CASC3: variants seen among roughly 807,000 people sequenced by gnomAD.
CASC3 encodes CASC3 exon junction complex subunit.
A neutral mutation model predicts 80.5 loss-of-function variants in CASC3; 30 were observed. The ratio of observed to expected loss-of-function variants is 0.37; its 90% CI spans 0.28 to 0.51. The LOEUF (loss-of-function observed/expected upper bound fraction) is 0.51, where lower values mean the gene tolerates loss of function less well. CASC3 is among the 20% of genes least tolerant of loss of function. The pLI, the probability that CASC3 is intolerant of heterozygous loss-of-function variation, is 0.94. For missense variants in CASC3, 824 were observed against 922.2 expected, an observed-to-expected ratio of 0.89 and a Z score of 1.38; for synonymous variants, 312 against 333.6, an observed-to-expected ratio of 0.94 and a Z score of 0.70.
chr17:40,141,107 C>G, intron 1 of CASC3, 100 bp from the exon 2 acceptor site: 1 of 1,127,024 alleles, frequency 8.9e-7, no homozygotes, highest in Admixed American at 1.7e-5. Flanking sequence ...CCTCTCCAAC[C>G]ATTTTGTGCT....
chr17:40,148,729 T>C (rs1274759722), intron 3 of CASC3, among the ~76,000 whole-genome samples: 1 of 152,160 alleles, frequency 6.6e-6, no homozygotes, highest in Non-Finnish European at 1.5e-5. Context: ...TGTTGATTAT[T>C]TCAGTGTTCT....
rs1234220852 is a variant in CASC3 at position 40,170,902 on chromosome 17, C to G, written c.*497C>G. The G allele has an allele frequency of 1.0e-6, 1 of 985,368 alleles. No homozygotes were observed. Among genetic ancestry groups the G allele is most frequent in the African/African-American group, 1.7e-5 (1 of 57,204 alleles). 61.0% of individuals were successfully genotyped at this position (985,368 alleles called of 1,614,324 possible). The stretch of plus-strand genomic sequence containing the variant: ...CTTTAAATGAAACAAGTCTAGTCTT[C>G]TGGTTTTCTAGCCCCTCTGGATTCC... On this transcript the variant is annotated 3_prime_UTR_variant, in exon 14 of 14. Coordinates refer to ENST00000264645, the MANE Select transcript of CASC3 (RefSeq NM_007359.5).
intron 6 of CASC3, 72 bp from the exon 7 acceptor site, chr17:40,163,409 A>G: frequency 1.5e-6 from 2 of 1,308,602 alleles, no homozygotes; most frequent in Non-Finnish European, 2.1e-6. Flanking sequence ...TGCTGGGATT[A>G]CAGGCCTGAG....
intron 8 of CASC3, 38 bp downstream of exon 8, chr17:40,166,899 G>T: frequency 6.9e-7 from 1 of 1,440,778 alleles, no homozygotes; most frequent in African/African-American, 1.4e-5. Context: ...GGAGGGAGCT[G>T]CCTGTTACAC....
At chr17:40,142,870 C>T (rs1988756308) in intron 3 of CASC3, among the ~76,000 whole-genome samples, 4 of 151,794 alleles carry the variant, frequency 2.6e-5, no homozygotes, top group African/African-American at 9.7e-5. Context: ...CACTGCACTC[C>T]AGCCTGGGTG....
Position 40,171,061 on chromosome 17 carries a change from C to CT in CASC3, c.*657dup. The CT allele has an allele frequency of 1.0e-6, 1 of 985,660 alleles. No homozygotes were observed. Among genetic ancestry groups the CT allele is most frequent in the Non-Finnish European group, 1.2e-6 (1 of 829,938 alleles). The allele number at this position is 985,660 out of a possible 1,614,324, so 61.1% of individuals were successfully genotyped here. A position where few individuals can be genotyped will look rare whatever the true frequency, so the allele number is the denominator to read the frequency against. Reference sequence around the variant, plus strand: ...CTTGTATACTTGTATTCCCTTAACTCTAACCCTGTGGAAGCATGGCTGTCT... The same window carrying CT: ...CTTGTATACTTGTATTCCCTTAACTCTTAACCCTGTGGAAGCATGGCTGTCT... On this transcript the variant is annotated 3_prime_UTR_variant, in exon 14 of 14. Transcript: ENST00000264645.
chr17:40,157,767 A>T (rs2145169807), intron 3 of CASC3, among the ~76,000 whole-genome samples: 1 of 152,320 alleles, frequency 6.6e-6, no homozygotes, highest in Admixed American at 6.5e-5. Flanking sequence ...CCAAAACTTA[A>T]CTACTAAGTC....
chr17:40,160,221 C>T (rs1260321775), intron 3 of CASC3, among the ~76,000 whole-genome samples: 2 of 152,122 alleles, frequency 1.3e-5, no homozygotes, highest in African/African-American at 2.4e-5. Context: ...GGGCCAGGTA[C>T]AGTGTTCATG....
chr17:40,157,107 A>T (rs1009409229), intron 3 of CASC3, among the ~76,000 whole-genome samples: 2 of 152,102 alleles, frequency 1.3e-5, no homozygotes, highest in Non-Finnish European at 2.9e-5. Flanking sequence ...GCACTTTGGG[A>T]GGCCGAGGCG....
chr17:40,156,786 T>C (rs1441410780), intron 3 of CASC3, among the ~76,000 whole-genome samples: 1 of 152,140 alleles, frequency 6.6e-6, no homozygotes, highest in Non-Finnish European at 1.5e-5. Context: ...ATGCTTCTAA[T>C]CTGAGCACTT....
chr17:40,169,594 T>C lies in CASC3; in HGVS notation c.2089-4T>C, dbSNP rs761079576. ...GATAACAAATTCCAACTTTGTTATT[T>C]CAGGTTGTAAGCAGGGGTTCCAGTT... On this transcript the variant is annotated splice_region_variant and splice_polypyrimidine_tract_variant and intron_variant, in intron 12 of 13. Transcript: ENST00000264645. 6 of 1,595,992 alleles carry C rather than the reference T, an allele frequency of 3.8e-6. No individual in the cohort carries two copies. The South Asian group carries it at 5.7e-5, about 15-fold the overall frequency.
rs891304107 is a variant in CASC3, at chr17:40,171,303, G to T, written c.*898G>T. 7 of 986,034 alleles carry T rather than the reference G, an allele frequency of 7.1e-6. No homozygotes were observed. Among genetic ancestry groups the T allele is most frequent in the Non-Finnish European group, 8.4e-6 (7 of 829,968 alleles). The allele number at this position is 986,034 out of a possible 1,614,324, so 61.1% of individuals were successfully genotyped here. On this transcript the variant is annotated 3_prime_UTR_variant, in exon 14 of 14. Transcript: ENST00000264645. ...GGAGTGAGAGCCTTTGCCTTTAGGGGTGTGTATTCACATAGTCCTCAGGGC... is the reference window on the plus strand; with the variant it reads ...GGAGTGAGAGCCTTTGCCTTTAGGGTTGTGTATTCACATAGTCCTCAGGGC...
intron 3 of CASC3, among the ~76,000 whole-genome samples, chr17:40,157,547 C>T (rs945047837): frequency 4.6e-5 from 7 of 150,936 alleles, no homozygotes; most frequent in South Asian, 2.1e-4. Flanking sequence ...TGGTGGCATA[C>T]GCCTGTAGTC....
At chr17:40,153,937 T>G (rs1308119476) in intron 3 of CASC3, among the ~76,000 whole-genome samples, 1 of 151,970 alleles carries the variant, frequency 6.6e-6, no homozygotes. Context: ...AGCCAGCCAC[T>G]GTGGCACGCG....
Position 40,142,298 on chromosome 17 carries a change from A to G in CASC3, c.297+691A>G, listed in dbSNP as rs369933116. 2.6e-5 allele frequency among the ~76,000 whole-genome samples: 4 copies of G among 152,366 alleles called. No homozygotes were observed. The East Asian group carries it at 7.7e-4, about 29-fold the overall frequency. The stretch of plus-strand genomic sequence containing the variant: ...AATTCCTATCTTTAGAGATCTTACA[A>G]CTCAATAAGGAAGTCAGACAAACAT... On this transcript the variant is annotated intron_variant, in intron 3 of 13. Transcript: ENST00000264645.
chr17:40,154,151 C>G (rs1289338684), intron 3 of CASC3, among the ~76,000 whole-genome samples: 1 of 93,542 alleles, frequency 1.1e-5, no homozygotes, highest in Non-Finnish European at 2.0e-5. Flanking sequence ...ATTTGTGTAT[C>G]TTCCTTGAAG....
chr17:40,149,995 A>C (rs1459386799), intron 3 of CASC3, among the ~76,000 whole-genome samples: 1 of 152,098 alleles, frequency 6.6e-6, no homozygotes, highest in Non-Finnish European at 1.5e-5. Flanking sequence ...AGATGTAGGA[A>C]CCAGATGAGA....
chr17:40,152,049 C>T (rs1364038884), intron 3 of CASC3, among the ~76,000 whole-genome samples: 1 of 152,218 alleles, frequency 6.6e-6, no homozygotes, highest in Non-Finnish European at 1.5e-5. Context: ...TATCTATCAC[C>T]TCACCTAGTT....
At chr17:40,144,086 A>G (rs1988791253) in intron 3 of CASC3, among the ~76,000 whole-genome samples, 1 of 151,586 alleles carries the variant, frequency 6.6e-6, no homozygotes, top group Non-Finnish European at 1.5e-5. Context: ...ACCCATTTTC[A>G]GTCTCTACTG....
Sources: gnomAD v4.1 joint callset for allele counts (sites outside exome capture counted in the v4.1 genomes callset) on GRCh38, gnomAD v4.1.1 for gene constraint, MANE v1.5 for transcripts, NCBI Gene and HGNC (gene_info 2026-07-23, HGNC 2026-07-21) for gene names.